Variants in ERC2 observed in about 807,000 individuals in gnomAD.
The protein encoded by ERC2 is ERC protein 2.
A neutral mutation model predicts 114.8 loss-of-function variants in ERC2; 42 were observed. The observed-to-expected ratio is 0.37, with a 90% CI of 0.29 to 0.47. ERC2 has a LOEUF of 0.47. ERC2 is among the 20% of genes least tolerant of loss of function. The pLI, the probability that ERC2 is intolerant of heterozygous loss-of-function variation, is 0.99. For synonymous variants in ERC2, 454 were observed against 425.5 expected (o/e 1.07, Z -0.82); for missense variants, 939 against 1,150.7 (o/e 0.82, Z 2.66).
At chr3:56,406,040 G>A (rs115869551) in intron 2 of ERC2, among the ~76,000 whole-genome samples, 48 of 151,834 alleles carry the variant, frequency 3.2e-4, no homozygotes, top group African/African-American at 1.1e-3. Context: ...CTACAAGCGC[G>A]TGCCACCATG....
intron 7 of ERC2, among the ~76,000 whole-genome samples, chr3:56,070,456 A>C: frequency 1.4e-5 from 1 of 72,364 alleles, no homozygotes; most frequent in African/African-American, 4.6e-5. Context: ...GTAATTATAA[A>C]CAAACCTTTT....
intron 13 of ERC2, among the ~76,000 whole-genome samples, chr3:55,891,748 T>C (rs559164108): frequency 6.6e-6 from 1 of 152,244 alleles, no homozygotes; most frequent in South Asian, 2.1e-4. Flanking sequence ...CTGATTCTTA[T>C]CAAGTGCTCT....
intron 6 of ERC2, among the ~76,000 whole-genome samples, chr3:56,088,854 C>A (rs1452323401): frequency 6.6e-6 from 1 of 151,998 alleles, no homozygotes; most frequent in Non-Finnish European, 1.5e-5. Flanking sequence ...CACTTAGAAA[C>A]CCTCAATAAA....
At chr3:55,866,892 C>T (rs1338166841) in intron 14 of ERC2, among the ~76,000 whole-genome samples, 1 of 151,776 alleles carries the variant, frequency 6.6e-6, no homozygotes, top group Non-Finnish European at 1.5e-5. Context: ...TAAAATTCCC[C>T]CAAAATTGAT....
chr3:56,173,495 T>A lies in ERC2; in HGVS notation c.1100A>T (p.Gln367Leu), dbSNP rs777478538. The A allele has an allele frequency of 3.1e-6, 5 of 1,613,954 alleles. No homozygotes were observed. Among genetic ancestry groups the A allele is most frequent in the African/African-American group, 1.3e-5 (1 of 75,048 alleles). ...AGCCTTCGTCTTGGCTGGCTCCGGC[T>A]GAAGTTGGCTTCTTCGGTGCAATTC... is the stretch of plus-strand genomic sequence containing the variant. ...REELHRRSQLQPEPAKTKALQ... is the reference protein window; with the variant it reads ...REELHRRSQLLPEPAKTKALQ... The change falls in exon 4 of 18, where the codon CAG becomes CTG. Residue 367 changes from glutamine to leucine, a missense_variant. Gln to Leu is a moderately radical substitution (Grantham distance 113). Transcript: ENST00000288221.
chr3:55,607,644 GA>G (rs56126196), intron 17 of ERC2, among the ~76,000 whole-genome samples: 27 of 127,138 alleles, frequency 2.1e-4, no homozygotes, highest in Middle Eastern at 4.2e-3. Flanking sequence ...TAAGAAGAGA[GA>G]AAAAAAAAAC....
At chr3:56,272,088 G>A (rs542451240) in intron 3 of ERC2, among the ~76,000 whole-genome samples, 1 of 152,146 alleles carries the variant, frequency 6.6e-6, no homozygotes, top group East Asian at 1.9e-4. Context: ...AGAACAAATT[G>A]TTACCTCCAG....
At chr3:56,269,716 C>T (rs1198503258) in intron 3 of ERC2, among the ~76,000 whole-genome samples, 2 of 152,146 alleles carry the variant, frequency 1.3e-5, no homozygotes, top group African/African-American at 4.8e-5. Context: ...TAATAATAGA[C>T]ATGGTTAATC....
intron 14 of ERC2, among the ~76,000 whole-genome samples, chr3:55,770,664 GA>G (rs2068127528): frequency 6.6e-6 from 1 of 152,118 alleles, no homozygotes; most frequent in Non-Finnish European, 1.5e-5. Context: ...TACATGTGCA[GA>G]ATGTGCAGGT....
chr3:56,421,001 G>T (rs993341469), intron 2 of ERC2, among the ~76,000 whole-genome samples: 3 of 152,146 alleles, frequency 2.0e-5, no homozygotes, highest in Admixed American at 6.5e-5. Context: ...ATATAAAAGC[G>T]CCATGTGGGT....
chr3:56,310,916 T>A (rs1301506620), intron 2 of ERC2, among the ~76,000 whole-genome samples: 7 of 152,032 alleles, frequency 4.6e-5, no homozygotes. Flanking sequence ...ACTACTGATT[T>A]AAGATTATTT....
At chr3:55,881,885 A>G (rs1433527491) in intron 14 of ERC2, among the ~76,000 whole-genome samples, 1 of 152,224 alleles carries the variant, frequency 6.6e-6, no homozygotes, top group African/African-American at 2.4e-5. Context: ...CTTATACACA[A>G]GGAAAGGTGA....
intron 6 of ERC2, among the ~76,000 whole-genome samples, chr3:56,115,180 C>T (rs2079158499): frequency 6.6e-6 from 1 of 152,150 alleles, no homozygotes; most frequent in Admixed American, 6.5e-5. Context: ...GCATTAAACT[C>T]TCTCTATTGC....
chr3:55,732,608 GA>G (rs1241308137), intron 15 of ERC2, among the ~76,000 whole-genome samples: 2 of 152,132 alleles, frequency 1.3e-5, no homozygotes, highest in Admixed American at 6.5e-5. Context: ...TGCTGGGAAA[GA>G]AAAAAGGTAG....
chr3:56,062,094 A>G (rs1207722751), intron 7 of ERC2, among the ~76,000 whole-genome samples: 1 of 152,216 alleles, frequency 6.6e-6, no homozygotes, highest in East Asian at 1.9e-4. Context: ...ACTATTTTAT[A>G]TAGATTCAAG....
intron 17 of ERC2, among the ~76,000 whole-genome samples, chr3:55,574,763 T>G (rs942655011): frequency 3.3e-5 from 5 of 152,196 alleles, no homozygotes; most frequent in Admixed American, 1.3e-4. Context: ...ACTGAGGCTG[T>G]CTCTGCAAGC....
At chr3:56,350,939 A>T (rs752568145) in intron 2 of ERC2, among the ~76,000 whole-genome samples, 8 of 152,166 alleles carry the variant, frequency 5.3e-5, no homozygotes, top group Non-Finnish European at 8.8e-5. Flanking sequence ...TGTAAATTTT[A>T]CAGGTGAGAC....
chr3:56,308,840 C>T (rs2056380497), intron 2 of ERC2, among the ~76,000 whole-genome samples: 1 of 152,056 alleles, frequency 6.6e-6, no homozygotes, highest in South Asian at 2.1e-4. Flanking sequence ...CAAGTACTTA[C>T]CATAACTCTT....
intron 17 of ERC2, among the ~76,000 whole-genome samples, chr3:55,544,148 G>T (rs1306181336): frequency 6.6e-6 from 1 of 152,118 alleles, no homozygotes; most frequent in Non-Finnish European, 1.5e-5. Flanking sequence ...GGCCTGTCTG[G>T]GACGCTCCCT....
Sources: allele counts gnomAD v4.1 joint callset (sites outside exome capture counted in the v4.1 genomes callset), GRCh38; gene constraint gnomAD v4.1.1; transcripts MANE v1.5; gene names NCBI Gene and HGNC (gene_info 2026-07-23, HGNC 2026-07-21).